Variants in VPS8 observed in about 807,000 individuals in gnomAD.
VPS8 encodes vacuolar protein sorting-associated protein 8 homolog.
VPS8 carries 129 observed loss-of-function variants against 216.4 expected under a neutral mutation model. The ratio of observed to expected loss-of-function variants is 0.60; its 90% confidence interval spans 0.52 to 0.69. VPS8 has a LOEUF of 0.69. Among genes scored for constraint, VPS8 ranks in the 30% least tolerant of loss-of-function variants. The probability of loss-of-function intolerance (pLI) is 0.00; values close to 1 mark genes in which losing one functional copy is unlikely to be tolerated. For synonymous variants in VPS8, 571 were observed against 565.4 expected (o/e 1.01, Z -0.14); for missense variants, 1,531 against 1,683.5 (o/e 0.91, Z 1.59).
chr3:184,833,459 T>C (rs1307959956), intron 4 of VPS8, among the ~76,000 whole-genome samples: 1 of 152,190 alleles, frequency 6.6e-6, no homozygotes, highest in Non-Finnish European at 1.5e-5. Flanking sequence ...AGGTTATCTC[T>C]TATGGGATAG....
intron 17 of VPS8, 23 bp from the exon 18 acceptor site, chr3:184,868,001 A>G: frequency 6.2e-7 from 1 of 1,612,342 alleles, no homozygotes; most frequent in Non-Finnish European, 8.5e-7. Flanking sequence ...GATCATTTTA[A>G]TTTCCATCTC....
chr3:184,873,441 C>T (rs1728700648), intron 21 of VPS8, among the ~76,000 whole-genome samples: 3 of 151,960 alleles, frequency 2.0e-5, no homozygotes, highest in Middle Eastern at 6.8e-3. Context: ...TGTTACAGAC[C>T]CTTTATGCAT....
chr3:184,885,515 TAGC>T (rs768079630), intron 21 of VPS8, among the ~76,000 whole-genome samples: 3 of 152,214 alleles, frequency 2.0e-5, no homozygotes, highest in Non-Finnish European at 4.4e-5. Flanking sequence ...AACGTTACAA[TAGC>T]AGGTTTGGAG....
At chr3:184,918,882 C>T (rs912705168) in intron 28 of VPS8, among the ~76,000 whole-genome samples, 7 of 152,148 alleles carry the variant, frequency 4.6e-5, no homozygotes, top group Admixed American at 4.6e-4. Flanking sequence ...AGTCCGTCTT[C>T]CTATCTTCAG....
At chr3:185,001,479 T>TTGGGGAGGGGGA (rs1753411732) in intron 45 of VPS8, among the ~76,000 whole-genome samples, 1 of 151,980 alleles carries the variant, frequency 6.6e-6, no homozygotes, top group Non-Finnish European at 1.5e-5. Flanking sequence ...TAGGGCAAGG[T>TTGGGGAGGGGGA]TGGGGAGGGG....
At chr3:184,999,450 T>G (rs1188929644) in intron 44 of VPS8, among the ~76,000 whole-genome samples, 2 of 152,210 alleles carry the variant, frequency 1.3e-5, no homozygotes, top group Non-Finnish European at 2.9e-5. Context: ...CTCTAGGTAG[T>G]TTTTAGTCAG....
intron 25 of VPS8, among the ~76,000 whole-genome samples, chr3:184,906,691 A>T (rs1378750443): frequency 6.6e-6 from 1 of 152,160 alleles, no homozygotes; most frequent in East Asian, 1.9e-4. Flanking sequence ...TGGACCTGGG[A>T]GACAGAAGTT....
At chr3:184,997,408 A>C (rs140469755) in intron 44 of VPS8, among the ~76,000 whole-genome samples, 3 of 152,212 alleles carry the variant, frequency 2.0e-5, no homozygotes, top group African/African-American at 7.2e-5. Flanking sequence ...TATATAAGGC[A>C]CTTGTAACAG....
At position 184,929,630 on chromosome 3, in the gene VPS8, T is replaced by C. The variant is rs1031608465; in HGVS notation, c.2765T>C (p.Ile922Thr). 3 of 1,531,990 alleles carry C rather than the reference T, an allele frequency of 2.0e-6. No individual in the cohort carries two copies. Among genetic ancestry groups the C allele is most frequent in the Non-Finnish European group, 2.6e-6 (3 of 1,135,526 alleles). The allele number at this position is 1,531,990 out of a possible 1,614,324, so 94.9% of individuals were successfully genotyped here. Reference sequence around the variant, plus strand: ...GAAAGAGAACACCAATATGATAAAATTATTGATTGCTACTTACGTGACCCT... The same window carrying C: ...GAAAGAGAACACCAATATGATAAAACTATTGATTGCTACTTACGTGACCCT... ...MYEREHQYDK[I>T]IDCYLRDPLR... Residue 922 changes from isoleucine (I) to threonine (T), a missense_variant, in exon 33 of 48, where the codon ATT becomes ACT. Ile to Thr is a moderately conservative substitution (Grantham distance 89). Coordinates refer to ENST00000625842, the MANE Select transcript of VPS8 (RefSeq NM_001009921.3).
chr3:184,961,835 C>T lies in VPS8; in HGVS notation c.3184-2633C>T, dbSNP rs539746630. Among the ~76,000 whole-genome samples the T allele has an allele frequency of 5.3e-5, 8 of 151,344 alleles. No individual in the cohort carries two copies. In the South Asian group the frequency reaches 1.3e-3, roughly 24 times the overall value. ...AGGCTGGAGTGCAGTGGCATGATCT[C>T]GGCTCACTGCAACCTCCACCTCCCA... On this transcript the variant is annotated intron_variant, in intron 37 of 47. Coordinates refer to ENST00000625842, the MANE Select transcript of VPS8 (RefSeq NM_001009921.3).
intron 31 of VPS8, among the ~76,000 whole-genome samples, chr3:184,926,865 TG>T (rs774306747): frequency 2.2e-4 from 33 of 152,316 alleles, no homozygotes; most frequent in African/African-American, 7.0e-4. Flanking sequence ...CTAGGTAGAC[TG>T]GATCTGTCTT....
At chr3:184,818,731 A>G (rs1471775167) in intron 1 of VPS8, among the ~76,000 whole-genome samples, 1 of 152,224 alleles carries the variant, frequency 6.6e-6, no homozygotes, top group Non-Finnish European at 1.5e-5. Context: ...TTCTAGCATT[A>G]TATAGTAAAT....
chr3:184,816,498 T>G (rs1237339487), intron 1 of VPS8, among the ~76,000 whole-genome samples: 3 of 152,240 alleles, frequency 2.0e-5, no homozygotes, highest in Non-Finnish European at 1.5e-5. Context: ...TTTTTCGTCG[T>G]GGCAGTTCTG....
At chr3:184,910,720 C>G (rs1026301777) in intron 25 of VPS8, among the ~76,000 whole-genome samples, 5 of 152,138 alleles carry the variant, frequency 3.3e-5, no homozygotes, top group African/African-American at 1.2e-4. Flanking sequence ...GCCGCCGTGC[C>G]AGGAAGGTTA....
chr3:184,940,146 G>T, intron 35 of VPS8, 51 bp from the exon 36 acceptor site: 2 of 1,163,740 alleles, frequency 1.7e-6, no homozygotes, highest in Non-Finnish European at 2.4e-6. Context: ...TGGAATATTT[G>T]AAAAATTTGT....
intron 29 of VPS8, among the ~76,000 whole-genome samples, chr3:184,921,558 G>A (rs1489692800): frequency 2.0e-5 from 3 of 152,000 alleles, no homozygotes; most frequent in African/African-American, 4.8e-5. Flanking sequence ...CTAAACATGA[G>A]GAGTTCTGTT....
At chr3:184,857,723 A>G (rs1462968052) in intron 14 of VPS8, among the ~76,000 whole-genome samples, 2 of 152,210 alleles carry the variant, frequency 1.3e-5, no homozygotes, top group African/African-American at 4.8e-5. Flanking sequence ...GTCTAGGCCA[A>G]TCATTATTAA....
intron 46 of VPS8, among the ~76,000 whole-genome samples, chr3:185,039,530 T>G (rs770435611): frequency 1.4e-4 from 21 of 150,268 alleles, no homozygotes; most frequent in Non-Finnish European, 3.0e-4. Context: ...ACTGTGGGGT[T>G]TTTTTTTTGG....
chr3:184,857,868 A>C (rs1725556583), intron 14 of VPS8, among the ~76,000 whole-genome samples: 1 of 152,194 alleles, frequency 6.6e-6, no homozygotes, highest in South Asian at 2.1e-4. Flanking sequence ...TAATAGTGGA[A>C]CTTAGATATA....
Sources: allele counts gnomAD v4.1 joint callset (sites outside exome capture counted in the v4.1 genomes callset), GRCh38; gene constraint gnomAD v4.1.1; transcripts MANE v1.5; gene names NCBI Gene and HGNC (gene_info 2026-07-23, HGNC 2026-07-21).